The following NDST4 variants were observed in gnomAD, a reference collection of about 807,000 sequenced individuals.
NDST4 encodes N-heparan sulfate sulfotransferase 4.
In NDST4, 63 loss-of-function variants were observed where a neutral mutation model predicts 100.8. That is an observed-to-expected ratio of 0.62 (90% CI 0.51 to 0.77). The LOEUF (loss-of-function observed/expected upper bound fraction) is 0.77. Among genes scored for constraint, NDST4 ranks in the 30% least tolerant of loss-of-function variants. NDST4 has a pLI of 0.00. For missense variants in NDST4, 943 were observed against 1,018.4 expected, an observed-to-expected ratio of 0.93 and a Z score of 1.01; for synonymous variants, 377 against 361.8, an observed-to-expected ratio of 1.04 and a Z score of -0.48.
intron 11 of NDST4, among the ~76,000 whole-genome samples, chr4:114,835,728 A>G (rs1293555904): frequency 6.6e-6 from 1 of 152,180 alleles, no homozygotes; most frequent in Non-Finnish European, 1.5e-5. Flanking sequence ...GTTTCCCACC[A>G]TTATTGTGTG....
chr4:115,112,298 T>C (rs1311039430), intron 1 of NDST4, among the ~76,000 whole-genome samples: 3 of 151,838 alleles, frequency 2.0e-5, no homozygotes, highest in Admixed American at 6.6e-5. Context: ...TCTTTATCAA[T>C]TTCCTCTTGG....
At chr4:115,041,572 T>C (rs902788402) in intron 2 of NDST4, among the ~76,000 whole-genome samples, 1 of 152,090 alleles carries the variant, frequency 6.6e-6, no homozygotes, top group Non-Finnish European at 1.5e-5. Flanking sequence ...GGATTACCTC[T>C]GAATGAAAGT....
At chr4:115,092,573 T>C (rs1729540882) in intron 1 of NDST4, among the ~76,000 whole-genome samples, 1 of 152,100 alleles carries the variant, frequency 6.6e-6, no homozygotes, top group Non-Finnish European at 1.5e-5. Context: ...AACAATAGTA[T>C]AAAAGTACTA....
intron 2 of NDST4, among the ~76,000 whole-genome samples, chr4:114,993,387 C>A (rs1727082630): frequency 6.6e-6 from 1 of 151,732 alleles, no homozygotes; most frequent in African/African-American, 2.4e-5. Context: ...CACCTTGTAG[C>A]CTTAAAATTA....
At chr4:114,931,414 T>C (rs948955307) in intron 6 of NDST4, among the ~76,000 whole-genome samples, 2 of 150,332 alleles carry the variant, frequency 1.3e-5, no homozygotes, top group African/African-American at 4.9e-5. Flanking sequence ...AAAAAAAAGA[T>C]ATCAGATAAA....
At chr4:115,038,546 C>T (rs543558669) in intron 2 of NDST4, among the ~76,000 whole-genome samples, 5 of 152,090 alleles carry the variant, frequency 3.3e-5, no homozygotes, top group African/African-American at 1.2e-4. Flanking sequence ...TTTAAAAGCC[C>T]TGAGGTACCC....
At chr4:115,018,783 T>C (rs1319223968) in intron 2 of NDST4, among the ~76,000 whole-genome samples, 1 of 151,958 alleles carries the variant, frequency 6.6e-6, no homozygotes, top group East Asian at 1.9e-4. Context: ...ATTAGAATTA[T>C]TATACATGCT....
At chr4:114,848,832 G>T (rs1391092399) in intron 8 of NDST4, among the ~76,000 whole-genome samples, 1 of 152,138 alleles carries the variant, frequency 6.6e-6, no homozygotes, top group Non-Finnish European at 1.5e-5. Flanking sequence ...AAACACATTT[G>T]CTGCCCTCAA....
At chr4:115,091,356 A>T (rs753102722) in intron 1 of NDST4, among the ~76,000 whole-genome samples, 1 of 152,040 alleles carries the variant, frequency 6.6e-6, no homozygotes, top group African/African-American at 2.4e-5. Flanking sequence ...AGGATTAATC[A>T]TTTATTTTTT....
intron 6 of NDST4, among the ~76,000 whole-genome samples, chr4:114,896,152 T>G (rs147671100): frequency 1.1e-4 from 16 of 152,192 alleles, no homozygotes; most frequent in Non-Finnish European, 2.4e-4. Flanking sequence ...ATTTAGCCAT[T>G]GACAATTATG....
Position 114,909,669 on chromosome 4 carries a change from C to CAAAAAAAAAAAA in NDST4, c.1536+25525_1536+25536dup, listed in dbSNP as rs773267929. On this transcript the variant is annotated intron_variant, in intron 6 of 13. Coordinates refer to ENST00000264363, the MANE Select transcript of NDST4 (RefSeq NM_022569.3). Reference sequence around the variant, plus strand: ...TGGGCGACAGAGCGAGACTCCGTCTCAAAAAAAAAAAAAAAAAAAAGAAAG... The same window carrying CAAAAAAAAAAAA: ...TGGGCGACAGAGCGAGACTCCGTCTCAAAAAAAAAAAAAAAAAAAAAAAAAAAAAAAAGAAAG... Among the ~76,000 whole-genome samples, 387 of 61,530 alleles carry CAAAAAAAAAAAA rather than the reference C, an allele frequency of 6.3e-3. 6 individuals carry two copies. The highest frequency in any genetic ancestry group is 8.8e-3 in the Non-Finnish European group (271 of 30,700). The allele number at this position is 61,530 out of a possible 152,430, so 40.4% of individuals were successfully genotyped here.
chr4:114,954,105 T>G (rs557964796), intron 4 of NDST4, among the ~76,000 whole-genome samples: 1 of 152,288 alleles, frequency 6.6e-6, no homozygotes. Flanking sequence ...TACTCCATTT[T>G]CTAAACATTT....
intron 4 of NDST4, among the ~76,000 whole-genome samples, chr4:114,943,028 A>G (rs1201417314): frequency 6.8e-6 from 1 of 147,370 alleles, no homozygotes; most frequent in Non-Finnish European, 1.5e-5. Context: ...ATATAATATA[A>G]TTTAAATTAT....
At chr4:115,046,829 T>C (rs1322355755) in intron 2 of NDST4, among the ~76,000 whole-genome samples, 8 of 152,216 alleles carry the variant, frequency 5.3e-5, no homozygotes, top group Middle Eastern at 3.4e-3. Context: ...CAATAATTCA[T>C]TGCACTTGAA....
intron 2 of NDST4, among the ~76,000 whole-genome samples, chr4:114,998,812 G>A (rs565161538): frequency 2.6e-5 from 4 of 151,988 alleles, no homozygotes; most frequent in Non-Finnish European, 4.4e-5. Context: ...ACTCTTGCTG[G>A]TAAATAAATT....
intron 6 of NDST4, among the ~76,000 whole-genome samples, chr4:114,878,620 T>A (rs1454014542): frequency 6.6e-6 from 1 of 152,180 alleles, no homozygotes; most frequent in Non-Finnish European, 1.5e-5. Context: ...TCTTCATTAG[T>A]GTATCAATTA....
chr4:114,979,344 C>T (rs2126245199), intron 2 of NDST4, among the ~76,000 whole-genome samples: 1 of 150,646 alleles, frequency 6.6e-6, no homozygotes. Flanking sequence ...TTAGTCTATG[C>T]ACCTGAAGCT....
intron 1 of NDST4, among the ~76,000 whole-genome samples, chr4:115,082,314 A>T (rs534817216): frequency 6.6e-6 from 1 of 152,260 alleles, no homozygotes; most frequent in Admixed American, 6.5e-5. Flanking sequence ...GTGTTTAGAG[A>T]TTCTCTAAAA....
In NDST4 at chr4:115,089,107, C is replaced by T. The variant is rs116102079; in HGVS notation, c.-246-11825G>A. ...ACCATATTTATGTCTTGAATATATT[C>T]ACCTTCTTTCTCTACCCCAAGGTAC... On this transcript the variant is annotated intron_variant, in intron 1 of 13. Coordinates refer to ENST00000264363, the MANE Select transcript of NDST4 (RefSeq NM_022569.3). 3.7e-3 allele frequency among the ~76,000 whole-genome samples: 564 copies of T among 152,140 alleles called. 3 individuals carry two copies. The highest frequency in any genetic ancestry group is 4.8e-3 in the South Asian group (23 of 4,828).
Sources: allele counts gnomAD v4.1 joint callset (sites outside exome capture counted in the v4.1 genomes callset), GRCh38; gene constraint gnomAD v4.1.1; transcripts MANE v1.5; gene names NCBI Gene and HGNC (gene_info 2026-07-23, HGNC 2026-07-21).